USP34: variants seen among roughly 807,000 people sequenced by gnomAD.
USP34 encodes ubiquitin carboxyl-terminal hydrolase 34.
A neutral mutation model predicts 460.3 loss-of-function variants in USP34; 70 were observed. That is an observed-to-expected ratio of 0.15 (90% CI 0.13 to 0.19). The LOEUF (loss-of-function observed/expected upper bound fraction) is 0.19. USP34 is among the 10% of genes least tolerant of loss of function. The pLI, the probability that USP34 is intolerant of heterozygous loss-of-function variation, is 1.00. For missense variants in USP34, 3,985 were observed against 4,236.2 expected (o/e 0.94, Z 1.65); for synonymous variants, 1,647 against 1,405.3 (o/e 1.17, Z -3.85).
intron 3 of USP34, among the ~76,000 whole-genome samples, chr2:61,398,965 C>A (rs1693627873): frequency 6.6e-6 from 1 of 152,088 alleles, no homozygotes; most frequent in South Asian, 2.1e-4. Context: ...AATTTAAGAC[C>A]TCCTGTGGTA....
chr2:61,379,085 C>A (rs1692893109), intron 7 of USP34, among the ~76,000 whole-genome samples: 1 of 152,058 alleles, frequency 6.6e-6, no homozygotes, highest in Non-Finnish European at 1.5e-5. Context: ...AAAGACTCCC[C>A]AGATAAATCC....
intron 10 of USP34, among the ~76,000 whole-genome samples, chr2:61,353,534 G>A (rs1272412136): frequency 1.3e-5 from 2 of 151,684 alleles, no homozygotes; most frequent in Admixed American, 6.6e-5. Flanking sequence ...TGGGACCACA[G>A]GTGTGTGCCA....
At chr2:61,224,888 G>A (rs780169912) in intron 62 of USP34, among the ~76,000 whole-genome samples, 16 of 152,170 alleles carry the variant, frequency 1.1e-4, no homozygotes, top group Non-Finnish European at 1.8e-4. Flanking sequence ...AGTAGTCTTA[G>A]ACTGCCTCCT....
intron 1 of USP34, among the ~76,000 whole-genome samples, chr2:61,441,120 C>T (rs1421516214): frequency 6.7e-6 from 1 of 149,858 alleles, no homozygotes; most frequent in South Asian, 2.1e-4. Flanking sequence ...TGAGTGAGAG[C>T]CGCCTCAAAA....
chr2:61,406,115 A>T lies in USP34; in HGVS notation c.145T>A (p.Cys49Ser). 6.3e-7 allele frequency: 1 copy of T among 1,595,554 alleles called. No individual in the cohort carries two copies. The highest frequency in any genetic ancestry group is 8.5e-7 in the Non-Finnish European group (1 of 1,173,078). Residue 49 changes from cysteine to serine, a missense_variant, in exon 3 of 80, where the codon TGC (cysteine) becomes AGC (serine). This residue lies in a region of USP34 where 331 missense variants were observed against 293.7 expected (regional missense o/e 1.13). Coordinates refer to ENST00000398571, the MANE Select transcript of USP34 (RefSeq NM_014709.4). Reference protein sequence around the residue: ...NSWTQRQCLCCFKEYKHLEIF... With the variant: ...NSWTQRQCLCSFKEYKHLEIF... ...TCCAAATGCTTATATTCCTTGAAGC[A>T]GCATAGACATTGCCTATAAGAGAAA...
At chr2:61,194,557 G>A (rs1213443127) in intron 75 of USP34, among the ~76,000 whole-genome samples, 2 of 152,168 alleles carry the variant, frequency 1.3e-5, no homozygotes, top group African/African-American at 4.8e-5. Context: ...GAGTGCAGTG[G>A]CGTGATCACA....
chr2:61,406,740 C>A (rs1413855802), intron 2 of USP34, among the ~76,000 whole-genome samples: 1 of 151,020 alleles, frequency 6.6e-6, no homozygotes, highest in East Asian at 1.9e-4. Context: ...CGCAGTGGCT[C>A]ACGCCTGTAA....
intron 1 of USP34, among the ~76,000 whole-genome samples, chr2:61,457,511 A>C (rs1050022012): frequency 9.2e-5 from 14 of 152,228 alleles, no homozygotes; most frequent in African/African-American, 2.9e-4. Flanking sequence ...AATCCTACCT[A>C]GTTTAAAAAG....
At chr2:61,459,486 G>C (rs1318204219) in intron 1 of USP34, among the ~76,000 whole-genome samples, 1 of 152,094 alleles carries the variant, frequency 6.6e-6, no homozygotes, top group Non-Finnish European at 1.5e-5. Flanking sequence ...TAAGATACTT[G>C]AAAACAGGCC....
intron 7 of USP34, 97 bp from the exon 8 acceptor site, chr2:61,378,521 G>C (rs1692863795): frequency 2.9e-6 from 2 of 697,676 alleles, no homozygotes; most frequent in African/African-American, 1.9e-5. Flanking sequence ...GACATATGTA[G>C]ATCACAATAA....
At chr2:61,223,012 C>G (rs773082567) in intron 64 of USP34, 48 bp downstream of exon 64, 1 of 1,515,400 alleles carries the variant, frequency 6.6e-7, no homozygotes. Flanking sequence ...TCAGGGTATT[C>G]TTTTTTAAAA....
intron 2 of USP34, among the ~76,000 whole-genome samples, chr2:61,411,904 T>C (rs559586339): frequency 2.6e-5 from 4 of 151,992 alleles, no homozygotes; most frequent in East Asian, 3.9e-4. Flanking sequence ...AAACAAACAG[T>C]AAGGGCGGGC....
chr2:61,307,919 G>A (rs547582943), intron 27 of USP34, among the ~76,000 whole-genome samples: 11 of 152,052 alleles, frequency 7.2e-5, no homozygotes, highest in Admixed American at 2.6e-4. Flanking sequence ...CATGATGGCC[G>A]GCACCTGTAG....
intron 1 of USP34, among the ~76,000 whole-genome samples, chr2:61,423,959 A>C (rs1460307994): frequency 6.6e-6 from 1 of 152,184 alleles, no homozygotes; most frequent in Non-Finnish European, 1.5e-5. Context: ...CTGTCTCTTA[A>C]AAAACAAACA....
chr2:61,320,740 TGGCTC>T (rs1397123239), intron 21 of USP34, among the ~76,000 whole-genome samples: 2 of 152,140 alleles, frequency 1.3e-5, no homozygotes, highest in Non-Finnish European at 2.9e-5. Context: ...CTGGGCGTGG[TGGCTC>T]ACGCCTGTAA....
rs1689926406 is a variant in USP34 at position 61,293,543 on chromosome 2, G to C, written c.4469C>G (p.Ala1490Gly). 6.2e-7 allele frequency: 1 copy of C among 1,611,470 alleles called. No homozygotes were observed. Among genetic ancestry groups the C allele is most frequent in the Non-Finnish European group, 8.5e-7 (1 of 1,178,554 alleles). The part of the protein sequence containing the change: ...SKNSWSCKFV[A>G]AGGLQQLLEI... The stretch of plus-strand genomic sequence containing the variant: ...TAATAACTGTTGAAGCCCTCCAGCA[G>C]CAACAAACTGTAGGCAATTGTGAAA... Residue 1490 changes from alanine (A) to glycine (G), a missense_variant, in exon 33 of 80, where the codon GCT becomes GGT. Ala to Gly is a moderately conservative substitution (Grantham distance 60). This residue lies in a region of USP34 where 1,114 missense variants were observed against 1,122.5 expected (regional missense o/e 0.99). Coordinates refer to ENST00000398571, the MANE Select transcript of USP34 (RefSeq NM_014709.4).
chr2:61,229,775 T>C, intron 58 of USP34, 142 bp from the exon 59 acceptor site: 1 of 629,952 alleles, frequency 1.6e-6, no homozygotes, highest in East Asian at 3.0e-5. Flanking sequence ...TTCTGGAGTC[T>C]CAACAATGGA....
chr2:61,267,050 G>A (rs555831465), intron 41 of USP34, among the ~76,000 whole-genome samples: 1 of 152,260 alleles, frequency 6.6e-6, no homozygotes, highest in Admixed American at 6.5e-5. Flanking sequence ...TCAAGAGAAC[G>A]TTCTTGGTAT....
At chr2:61,313,855 A>G (rs1690667730) in intron 25 of USP34, among the ~76,000 whole-genome samples, 1 of 152,132 alleles carries the variant, frequency 6.6e-6, no homozygotes, top group Non-Finnish European at 1.5e-5. Flanking sequence ...GTCAATAAAT[A>G]TCACTTGTAT....
Sources: allele counts gnomAD v4.1 joint callset (sites outside exome capture counted in the v4.1 genomes callset), GRCh38; gene constraint gnomAD v4.1.1; regional missense constraint gnomAD v4.1.1; transcripts MANE v1.5; gene names NCBI Gene and HGNC (gene_info 2026-07-23, HGNC 2026-07-21).